Variants in CDH13 observed in about 807,000 individuals in gnomAD.
CDH13 encodes the protein cadherin 13, also known as cadherin-13.
In CDH13, 24 loss-of-function variants were observed where a neutral mutation model predicts 63.8. The ratio of observed to expected loss-of-function variants is 0.38; its 90% CI spans 0.27 to 0.53. CDH13 has a LOEUF of 0.53. Ranked by LOEUF, CDH13 falls within the 20% of genes least tolerant of loss-of-function variation. CDH13 has a pLI of 0.85. For missense variants in CDH13, 1,049 were observed against 903.1 expected (o/e 1.16, Z -2.07); for synonymous variants, 503 against 355.3 (o/e 1.42, Z -4.67).
At chr16:83,563,187 A>C (rs2075737857) in intron 7 of CDH13, among the ~76,000 whole-genome samples, 1 of 152,270 alleles carries the variant, frequency 6.6e-6, no homozygotes, top group South Asian at 2.1e-4. Flanking sequence ...GGCATCTACC[A>C]GCTGCTTCCT....
At chr16:82,916,805 T>A (rs1353672025) in intron 2 of CDH13, among the ~76,000 whole-genome samples, 1 of 152,200 alleles carries the variant, frequency 6.6e-6, no homozygotes, top group Non-Finnish European at 1.5e-5. Context: ...ACCTAAAAAA[T>A]ATTCCCTACT....
intron 10 of CDH13, among the ~76,000 whole-genome samples, chr16:83,714,010 T>G (rs1221807805): frequency 6.6e-6 from 1 of 152,214 alleles, no homozygotes; most frequent in Non-Finnish European, 1.5e-5. Context: ...CATGCTCACT[T>G]GTCCAGAGTA....
At chr16:83,362,153 A>C (rs906150428) in intron 6 of CDH13, among the ~76,000 whole-genome samples, 6 of 152,200 alleles carry the variant, frequency 3.9e-5, no homozygotes, top group African/African-American at 1.2e-4. Flanking sequence ...CTGTTTAAAA[A>C]AATCTGGTTT....
chr16:82,933,245 G>A (rs1361924099), intron 2 of CDH13, among the ~76,000 whole-genome samples: 1 of 152,158 alleles, frequency 6.6e-6, no homozygotes, highest in African/African-American at 2.4e-5. Flanking sequence ...GAAAGTTACA[G>A]TATGGCCGAA....
At chr16:82,876,425 TG>T (rs2040505805) in intron 2 of CDH13, among the ~76,000 whole-genome samples, 2 of 152,364 alleles carry the variant, frequency 1.3e-5, no homozygotes, top group South Asian at 4.1e-4. Context: ...CCCACATTTT[TG>T]TCTTATTTTC....
chr16:83,471,725 C>T (rs1440280503), intron 6 of CDH13, among the ~76,000 whole-genome samples: 1 of 152,154 alleles, frequency 6.6e-6, no homozygotes, highest in Non-Finnish European at 1.5e-5. Flanking sequence ...GGGCTCTAAA[C>T]CACTACTACA....
intron 1 of CDH13, among the ~76,000 whole-genome samples, chr16:82,775,388 G>C (rs1366491358): frequency 2.6e-5 from 4 of 152,164 alleles, no homozygotes; most frequent in African/African-American, 4.8e-5. Context: ...ATGAGCATGG[G>C]GAAGTTATTT....
At chr16:83,104,397 G>C (rs962101601) in intron 3 of CDH13, among the ~76,000 whole-genome samples, 1 of 152,156 alleles carries the variant, frequency 6.6e-6, no homozygotes, top group African/African-American at 2.4e-5. Context: ...GTGAGGCTCT[G>C]TAATGCGACA....
At chr16:83,734,733 A>G (rs1417397398) in intron 10 of CDH13, among the ~76,000 whole-genome samples, 1 of 148,306 alleles carries the variant, frequency 6.7e-6, no homozygotes, top group Non-Finnish European at 1.5e-5. Flanking sequence ...AAAGTATAAT[A>G]ATAATAATAA....
chr16:82,976,049 T>G (rs1909459522), intron 2 of CDH13, among the ~76,000 whole-genome samples: 1 of 152,152 alleles, frequency 6.6e-6, no homozygotes, highest in Non-Finnish European at 1.5e-5. Context: ...AAGCCCCTGG[T>G]CAGAAGGCCA....
At chr16:83,432,206 G>T (rs1011598965) in intron 6 of CDH13, among the ~76,000 whole-genome samples, 1 of 152,148 alleles carries the variant, frequency 6.6e-6, no homozygotes, top group Non-Finnish European at 1.5e-5. Context: ...TTATCCACAA[G>T]GTTGTCATGC....
rs1904302436 is a variant in CDH13, at chr16:83,799,331, G to C, written c.*4301G>C. Reference sequence around the variant, plus strand: ...AAAAAAAAAAAAAAAGAAAGAAAAGGAAATTTATGAACTCCAGAGTACCCA... The same window carrying C: ...AAAAAAAAAAAAAAAGAAAGAAAAGCAAATTTATGAACTCCAGAGTACCCA... On this transcript the variant is annotated 3_prime_UTR_variant, in exon 14 of 14. Transcript: ENST00000567109. The C allele has an allele frequency of 6.6e-6, 1 of 150,534 alleles. No homozygotes were observed. Among genetic ancestry groups the C allele is most frequent in the Admixed American group, 6.6e-5 (1 of 15,098 alleles). 9.3% of individuals were successfully genotyped at this position (150,534 alleles called of 1,614,324 possible). A position where few individuals can be genotyped will look rare whatever the true frequency, so the allele number is the denominator to read the frequency against.
intron 2 of CDH13, among the ~76,000 whole-genome samples, chr16:82,965,032 A>G (rs943117212): frequency 2.0e-5 from 3 of 152,240 alleles, no homozygotes; most frequent in Non-Finnish European, 4.4e-5. Context: ...GAGTACTGTC[A>G]AAGAAAGCAG....
chr16:83,055,812 G>A (rs1023659060), intron 3 of CDH13, among the ~76,000 whole-genome samples: 1 of 152,122 alleles, frequency 6.6e-6, no homozygotes, highest in East Asian at 1.9e-4. Context: ...AAAATTATAA[G>A]CCAGTCTCTC....
At chr16:82,873,136 G>T (rs917493482) in intron 2 of CDH13, among the ~76,000 whole-genome samples, 1 of 152,162 alleles carries the variant, frequency 6.6e-6, no homozygotes, top group Non-Finnish European at 1.5e-5. Context: ...AGAATCCAGT[G>T]AGGTAAAAAT....
chr16:83,548,161 G>T (rs935007355), intron 7 of CDH13, among the ~76,000 whole-genome samples: 2 of 152,228 alleles, frequency 1.3e-5, no homozygotes, highest in Admixed American at 1.3e-4. Flanking sequence ...CTTAAACCTA[G>T]TGGGGGTGCC....
intron 3 of CDH13, among the ~76,000 whole-genome samples, chr16:83,123,812 C>T (rs948883969): frequency 6.6e-6 from 1 of 152,118 alleles, no homozygotes; most frequent in Non-Finnish European, 1.5e-5. Context: ...CACTAATTTA[C>T]ACTCCCACCA....
At chr16:83,357,657 T>A (rs573070814) in intron 6 of CDH13, among the ~76,000 whole-genome samples, 10 of 152,298 alleles carry the variant, frequency 6.6e-5, no homozygotes, top group African/African-American at 2.4e-4. Context: ...GGTCAAGGAC[T>A]GGTAAACATA....
intron 1 of CDH13, among the ~76,000 whole-genome samples, chr16:82,755,327 A>T (rs887656092): frequency 6.6e-5 from 10 of 152,164 alleles, no homozygotes; most frequent in African/African-American, 2.4e-4. Context: ...CCCTCTAGTT[A>T]TATGGCAGTG....
Sources: gnomAD v4.1 joint callset for allele counts (sites outside exome capture counted in the v4.1 genomes callset) on GRCh38, gnomAD v4.1.1 for gene constraint, MANE v1.5 for transcripts, NCBI Gene and HGNC (gene_info 2026-07-23, HGNC 2026-07-21) for gene names.